RPL9: variants seen among roughly 807,000 people sequenced by gnomAD.
RPL9 encodes large ribosomal subunit protein uL6.
For missense variants in RPL9, 149 were observed against 236.7 expected, an observed-to-expected ratio of 0.63 and a Z score of 2.43; for synonymous variants, 82 against 77.1, an observed-to-expected ratio of 1.06 and a Z score of -0.33.
At chr4:39,456,106 T>A (rs1744074994) in intron 5 of RPL9, 2 of 394,980 alleles carry the variant, frequency 5.1e-6, no homozygotes, top group South Asian at 2.1e-5. Flanking sequence ...CACCATTATA[T>A]ACACCTTTTG....
At chr4:39,456,675 C>G (rs1744099398) in intron 4 of RPL9, 137 bp from the exon 5 acceptor site, 2 of 931,640 alleles carry the variant, frequency 2.1e-6, no homozygotes, top group Non-Finnish European at 3.2e-6. Context: ...TCACCTGAAC[C>G]AAGCCTTATA....
At chr4:39,458,349 G>C (rs778104312) in intron 2 of RPL9, 40 bp from the exon 3 acceptor site, 62 of 1,613,696 alleles carry the variant, frequency 3.8e-5, no homozygotes, top group Middle Eastern at 1.6e-4. Context: ...CACAACGCTT[G>C]GAACGTGCAG....
chr4:39,456,470 C>T lies in RPL9; in HGVS notation c.327G>A (p.Gly109=), dbSNP rs781061472. The T allele has an allele frequency of 1.7e-5, 27 of 1,614,064 alleles. 1 individual carries two copies. Among genetic ancestry groups the T allele is most frequent in the Non-Finnish European group, 2.3e-5 (27 of 1,179,920 alleles). The change falls in exon 5 of 8, where the codon GGG becomes GGA. Residue 109 remains glycine, a synonymous_variant. Transcript: ENST00000295955. ...FPINVVIQEN[G]SLVEIRNFLG... ...AGAAATTTCGGATTTCAACAAGAGA[C>T]CCATTCTCCTGGATAACAACGTTGA...
intron 5 of RPL9, 39 bp downstream of exon 5, chr4:39,456,367 G>T (rs547948017): frequency 1.2e-6 from 2 of 1,613,014 alleles, no homozygotes; most frequent in Non-Finnish European, 1.7e-6. Context: ...AAAATATGAA[G>T]GAAAAATTTC....
chr4:39,457,788 C>T lies in RPL9; in HGVS notation c.163-107G>A, dbSNP rs1048629674. The T allele has an allele frequency of 5.6e-5, 55 of 976,786 alleles. No individual in the cohort carries two copies. In the Middle Eastern group the frequency reaches 1.4e-3, roughly 26 times the overall value. 60.5% of individuals were successfully genotyped at this position (976,786 alleles called of 1,614,324 possible). A position where few individuals can be genotyped will look rare whatever the true frequency, so the allele number is the denominator to read the frequency against. ...ATTCTAGAATTAACCCTTATCAAAGCACATGGTTTTCAACTGGAAAAATCC... is the reference window on the plus strand; with the variant it reads ...ATTCTAGAATTAACCCTTATCAAAGTACATGGTTTTCAACTGGAAAAATCC... On this transcript the variant is annotated intron_variant, in intron 3 of 7. Transcript: ENST00000295955.
chr4:39,454,952 G>A lies in RPL9; in HGVS notation c.392-8C>T. On this transcript the variant is annotated splice_region_variant and splice_polypyrimidine_tract_variant and intron_variant, in intron 5 of 7. Coordinates refer to ENST00000295955, the MANE Select transcript of RPL9 (RefSeq NM_000661.5). ...ATACTGAACAAGCAACACCTAAAAG[G>A]GGAGAGGGCATTTGCACAGCATCAA... The A allele has an allele frequency of 6.2e-7, 1 of 1,610,588 alleles. No homozygotes were observed. Among genetic ancestry groups the A allele is most frequent in the Non-Finnish European group, 8.5e-7 (1 of 1,178,032 alleles).
intron 4 of RPL9, chr4:39,457,267 G>T: frequency 4.6e-6 from 1 of 216,056 alleles, no homozygotes. Flanking sequence ...GGTGGCTCAT[G>T]CCTGCAATCC....
chr4:39,456,697 G>C, intron 4 of RPL9, 159 bp from the exon 5 acceptor site: 1 of 765,378 alleles, frequency 1.3e-6, no homozygotes, highest in East Asian at 2.7e-5. Flanking sequence ...ACATTGTTCT[G>C]TCTATTCAGT....
chr4:39,458,717 A>G, intron 1 of RPL9, 174 bp downstream of exon 1: 2 of 638,028 alleles, frequency 3.1e-6, no homozygotes, highest in Non-Finnish European at 5.6e-6. Context: ...GGGCGGGAAT[A>G]GGCCAAAAAG....
chr4:39,457,710 C>A (rs1286893398), intron 3 of RPL9, 29 bp from the exon 4 acceptor site: 14 of 1,561,416 alleles, frequency 9.0e-6, no homozygotes, highest in Non-Finnish European at 1.2e-5. Context: ...TGTATTCTTT[C>A]CAGAAATATG....
intron 4 of RPL9, chr4:39,456,782 A>C: frequency 4.5e-6 from 2 of 447,386 alleles, no homozygotes; most frequent in East Asian, 8.6e-5. Context: ...GCCTTCTTTT[A>C]ATGAGAACCC....
At chr4:39,454,843 A>AC in intron 6 of RPL9, 21 bp downstream of exon 6, 1 of 1,607,670 alleles carries the variant, frequency 6.2e-7, no homozygotes, top group Non-Finnish European at 8.5e-7. Flanking sequence ...AGGCATAGTT[A>AC]GACATAGTAA....
chr4:39,454,707 G>A, intron 6 of RPL9, 58 bp from the exon 7 acceptor site: 1 of 1,504,454 alleles, frequency 6.6e-7, no homozygotes, highest in South Asian at 1.2e-5. Context: ...TAAAAAGAAA[G>A]TATTTCATTA....
chr4:39,456,313 A>G (rs752153786), intron 5 of RPL9, 93 bp downstream of exon 5: 36 of 1,413,052 alleles, frequency 2.5e-5, no homozygotes, highest in Non-Finnish European at 3.3e-5. Flanking sequence ...ACACAAAACA[A>G]CAGCCAACTA....
chr4:39,456,368 G>C (rs1744086040), intron 5 of RPL9, 38 bp downstream of exon 5: 3 of 1,613,118 alleles, frequency 1.9e-6, no homozygotes, highest in African/African-American at 2.7e-5. Context: ...AAATATGAAG[G>C]AAAAATTTCT....
chr4:39,454,977 A>G, intron 5 of RPL9, 33 bp from the exon 6 acceptor site: 2 of 1,574,456 alleles, frequency 1.3e-6, no homozygotes, highest in East Asian at 2.2e-5. Flanking sequence ...CACAGCATCA[A>G]ATCTGTGTAA....
chr4:39,454,471 G>T, intron 7 of RPL9, 62 bp downstream of exon 7: 1 of 1,233,468 alleles, frequency 8.1e-7, no homozygotes, highest in Non-Finnish European at 1.1e-6. Context: ...AAGTCTTTTA[G>T]TAAATTAAGA....
chr4:39,456,522 A>G lies in RPL9; in HGVS notation c.275T>C (p.Met92Thr). 1 of 1,613,670 alleles carries G rather than the reference A, an allele frequency of 6.2e-7. No homozygotes were observed. ...KGVTLGFRYKMRSVYAHFPIN... is the reference protein window; with the variant it reads ...KGVTLGFRYKTRSVYAHFPIN... Reference sequence around the variant, plus strand: ...GGGGAAGTGAGCATACACAGACCTCATCTTGTAACGGAAGCCCTATGTTAA... The same window carrying G: ...GGGGAAGTGAGCATACACAGACCTCGTCTTGTAACGGAAGCCCTATGTTAA... Residue 92 changes from methionine (M) to threonine (T), a missense_variant, in exon 5 of 8, where the codon ATG (methionine) becomes ACG (threonine). By Grantham distance (81) the Met-to-Thr change is moderately conservative. Transcript: ENST00000295955.
chr4:39,454,276 G>A lies in RPL9; in HGVS notation c.*11-51C>T, dbSNP rs553555975. The A allele has an allele frequency of 1.1e-5, 3 of 284,832 alleles. No homozygotes were observed. The South Asian group carries it at 2.5e-4, about 24-fold the overall frequency. 17.6% of individuals were successfully genotyped at this position (284,832 alleles called of 1,614,324 possible). ...AAATCCCCATCAATACACTTGCCCA[G>A]GAAAGTACTAATCTTTTTTCTGTAC... On this transcript the variant is annotated intron_variant, in intron 7 of 7. Coordinates refer to ENST00000295955, the MANE Select transcript of RPL9 (RefSeq NM_000661.5).
Sources: gnomAD v4.1 joint callset for allele counts on GRCh38, gnomAD v4.1.1 for gene constraint, MANE v1.5 for transcripts, NCBI Gene and HGNC (gene_info 2026-07-23, HGNC 2026-07-21) for gene names.